The following SLC29A3 variants were observed in gnomAD, a reference collection of about 807,000 sequenced individuals.
SLC29A3 encodes solute carrier family 29 member 3, also known as equilibrative nucleoside transporter 3.
A neutral mutation model predicts 25.4 loss-of-function variants in SLC29A3; 18 were observed. The ratio of observed to expected loss-of-function variants is 0.71; its 90% CI spans 0.49 to 1.05. SLC29A3 has a LOEUF of 1.05. SLC29A3 is among the 50% of genes least tolerant of loss of function. The pLI is 0.00. For synonymous variants in SLC29A3, 258 were observed against 267.1 expected (o/e 0.97, Z 0.33); for missense variants, 586 against 609.0 (o/e 0.96, Z 0.40).
intron 4 of SLC29A3, 78 bp downstream of exon 4, chr10:71,351,866 G>T (rs1227777977): frequency 5.2e-6 from 7 of 1,333,660 alleles, no homozygotes; most frequent in Non-Finnish European, 7.3e-6. Flanking sequence ...TGAGCATGTG[G>T]TGGCCTTTTC....
intron 2 of SLC29A3, among the ~76,000 whole-genome samples, chr10:71,326,528 C>G (rs1308053192): frequency 6.6e-6 from 1 of 152,318 alleles, no homozygotes; most frequent in Admixed American, 6.5e-5. Context: ...ATCACCTGGC[C>G]TACTGGGCTT....
In SLC29A3 at chr10:71,378,106, G is replaced by T. The variant is rs1440997057; in HGVS notation, c.*212-1660G>T. Among the ~76,000 whole-genome samples, 17 of 117,052 alleles carry T rather than the reference G, an allele frequency of 1.5e-4. 1 individual carries two copies. The South Asian group carries it at 4.7e-3, about 33-fold the overall frequency. 76.8% of individuals were successfully genotyped at this position (117,052 alleles called of 152,430 possible). ...AGCTTAGACAATGTTGGGGGGGGGGGTCCTCTTTTGGAAAAAAGAATAAAA... is the reference window on the plus strand; with the variant it reads ...AGCTTAGACAATGTTGGGGGGGGGGTTCCTCTTTTGGAAAAAAGAATAAAA... On this transcript the variant is annotated intron_variant and NMD_transcript_variant, in intron 4 of 4. Transcript: ENST00000642772.
At position 71,334,924 on chromosome 10, in the gene SLC29A3, T is replaced by C. The variant is rs567695192; in HGVS notation, c.301-9285T>C. ...CATTTATCCTAATTTGCAGTCTTTT[T>C]TCCCCCCACTTGCTGTTGACTCTTT... On this transcript the variant is annotated intron_variant, in intron 2 of 5. Coordinates refer to ENST00000373189, the MANE Select transcript of SLC29A3 (RefSeq NM_018344.6). Among the ~76,000 whole-genome samples, 24 of 143,320 alleles carry C rather than the reference T, an allele frequency of 1.7e-4. No individual in the cohort carries two copies. In the East Asian group the frequency reaches 5.0e-3, roughly 30 times the overall value. 94.0% of individuals were successfully genotyped at this position (143,320 alleles called of 152,430 possible). A position where few individuals can be genotyped will look rare whatever the true frequency, so the allele number is the denominator to read the frequency against.
At position 71,362,266 on chromosome 10, in the gene SLC29A3, C is replaced by T. The variant is rs1273217440; in HGVS notation, c.1086C>T (p.Gly362=). The T allele has an allele frequency of 3.1e-6, 5 of 1,614,058 alleles. No individual in the cohort carries two copies. The highest frequency in any genetic ancestry group is 4.2e-6 in the Non-Finnish European group (5 of 1,180,028). ...TGTACAACTTTGCTGACCTATGTGG[C>T]CGGCAGCTCACCGCCTGGATCCAGG... ...FLLYNFADLC[G]RQLTAWIQVP... is the part of the protein sequence containing the mutation. Residue 362 remains glycine, a synonymous_variant, in exon 6 of 6, where the codon GGC becomes GGT. Transcript: ENST00000373189.
intron 2 of SLC29A3, among the ~76,000 whole-genome samples, chr10:71,341,795 CTG>C (rs1480681385): frequency 2.6e-5 from 4 of 152,230 alleles, no homozygotes; most frequent in Non-Finnish European, 5.9e-5. Flanking sequence ...ACAGTCTCCT[CTG>C]AGGCTTAGCT....
At chr10:71,373,100 T>G (rs1403298217) in intron 3 of SLC29A3, among the ~76,000 whole-genome samples, 2 of 152,232 alleles carry the variant, frequency 1.3e-5, no homozygotes, top group Non-Finnish European at 2.9e-5. Context: ...CTGGAATTCA[T>G]TAGCTGCTGA....
intron 4 of SLC29A3, among the ~76,000 whole-genome samples, chr10:71,353,740 G>A (rs780674): frequency 0.61 from 92,544 of 152,002 alleles, 30,885 homozygotes; most frequent in Non-Finnish European, 0.76. Context: ...AGCACAGCCC[G>A]TCTGTGAATT....
Position 71,330,634 on chromosome 10 carries a change from C to G in SLC29A3, c.300+7580C>G, listed in dbSNP as rs565256364. On this transcript the variant is annotated intron_variant, in intron 2 of 5. Transcript: ENST00000373189. ...CCACAGACCCACCTGGCAGCATTTA[C>G]ATAACGCTGCAGACACAGGTAGGGT... Among the ~76,000 whole-genome samples, 17 of 152,328 alleles carry G rather than the reference C, an allele frequency of 1.1e-4. 1 individual carries two copies. The South Asian group carries it at 3.3e-3, about 30-fold the overall frequency.
chr10:71,331,492 C>T (rs965758094), intron 2 of SLC29A3, among the ~76,000 whole-genome samples: 9 of 152,226 alleles, frequency 5.9e-5, no homozygotes, highest in African/African-American at 1.7e-4. Flanking sequence ...AGGAAAAACG[C>T]ATGATGAAGA....
intron 2 of SLC29A3, among the ~76,000 whole-genome samples, chr10:71,335,025 C>T (rs1187110472): frequency 6.7e-6 from 1 of 148,930 alleles, no homozygotes; most frequent in Non-Finnish European, 1.5e-5. Flanking sequence ...ACATTGAGCA[C>T]ATACAAGCTG....
intron 2 of SLC29A3, among the ~76,000 whole-genome samples, chr10:71,328,516 C>T (rs1315690547): frequency 6.6e-6 from 1 of 152,208 alleles, no homozygotes; most frequent in Admixed American, 6.5e-5. Flanking sequence ...TGTTATCATC[C>T]ACCATGACAG....
chr10:71,342,102 G>A (rs762763015), intron 2 of SLC29A3, among the ~76,000 whole-genome samples: 22 of 152,196 alleles, frequency 1.4e-4, no homozygotes, highest in African/African-American at 1.2e-4. Context: ...GGAGGGCATC[G>A]CACAGGTGTG....
chr10:71,369,428 TCTC>T (rs1419109437), intron 3 of SLC29A3, among the ~76,000 whole-genome samples: 2 of 152,164 alleles, frequency 1.3e-5, no homozygotes, highest in Non-Finnish European at 2.9e-5. Context: ...TGGCTTGGCT[TCTC>T]CTAATAACAT....
At chr10:71,351,490 G>T in intron 3 of SLC29A3, 72 bp from the exon 4 acceptor site, 4 of 1,385,088 alleles carry the variant, frequency 2.9e-6, no homozygotes, top group Non-Finnish European at 4.1e-6. Context: ...TTCCCTTAAG[G>T]TGGCTCACCA....
intron 2 of SLC29A3, among the ~76,000 whole-genome samples, chr10:71,332,494 G>A (rs1846143809): frequency 6.6e-6 from 1 of 152,102 alleles, no homozygotes; most frequent in Non-Finnish European, 1.5e-5. Flanking sequence ...GTGGAGAAGG[G>A]CACAACACCC....
chr10:71,362,594 G>A lies in SLC29A3; in HGVS notation c.1414G>A (p.Val472Met), dbSNP rs1013883921. 1.2e-6 allele frequency: 2 copies of A among 1,614,148 alleles called. No homozygotes were observed. The highest frequency in any genetic ancestry group is 8.5e-7 in the Non-Finnish European group (1 of 1,180,042). The change falls in exon 6 of 6, where the codon GTG (valine) becomes ATG (methionine). Residue 472 changes from valine to methionine, a missense_variant. Val to Met is a conservative substitution (Grantham distance 21, BLOSUM62 1). Transcript: ENST00000373189. The stretch of plus-strand genomic sequence containing the variant: ...GGGCTCAGCCTGCTCTACCCTCCTG[G>A]TGCACCTCATCTAGAAGGGAGGACA... ...TLGSACSTLL[V>M]HLI
At chr10:71,348,648 C>T (rs1385365628) in intron 3 of SLC29A3, among the ~76,000 whole-genome samples, 2 of 152,186 alleles carry the variant, frequency 1.3e-5, no homozygotes, top group Non-Finnish European at 2.9e-5. Context: ...TCCAGGGCCC[C>T]TGCTGTACTC....
At chr10:71,366,783 A>G (rs1215479609), downstream of SLC29A3, among the ~76,000 whole-genome samples, 2 of 152,222 alleles carry the variant, frequency 1.3e-5, no homozygotes, top group East Asian at 1.9e-4. Flanking sequence ...ACATATTTAT[A>G]GTACATTCCA....
chr10:71,377,429 C>A (rs923265069), intron 4 of SLC29A3, among the ~76,000 whole-genome samples: 2 of 152,258 alleles, frequency 1.3e-5, no homozygotes, highest in South Asian at 2.1e-4. Context: ...GACTGGACCG[C>A]CCCCGCTGGC....
Sources: gnomAD v4.1 joint callset for allele counts (sites outside exome capture counted in the v4.1 genomes callset) on GRCh38, gnomAD v4.1.1 for gene constraint, MANE v1.5 for transcripts, NCBI Gene and HGNC (gene_info 2026-07-23, HGNC 2026-07-21) for gene names.